The following ATP6V1H variants were observed in gnomAD, a reference collection of about 807,000 sequenced individuals.
ATP6V1H encodes the protein ATPase H+ transporting V1 subunit H.
Under a neutral mutation model 71.7 loss-of-function variants are expected in ATP6V1H, and 39 were observed. That is an observed-to-expected ratio of 0.54 (90% CI 0.42 to 0.71). ATP6V1H has a LOEUF of 0.71. ATP6V1H is among the 30% of genes least tolerant of loss of function. ATP6V1H has a pLI of 0.00. For synonymous variants in ATP6V1H, 192 were observed against 199.3 expected (o/e 0.96, Z 0.31); for missense variants, 509 against 594.9 (o/e 0.86, Z 1.50).
At chr8:53,812,282 A>G (rs1384599978) in intron 6 of ATP6V1H, among the ~76,000 whole-genome samples, 1 of 152,226 alleles carries the variant, frequency 6.6e-6, no homozygotes, top group Non-Finnish European at 1.5e-5. Flanking sequence ...GGCACTGCAC[A>G]ATTTAAAGTC....
chr8:53,837,270 A>C (rs1811188078), intron 2 of ATP6V1H, among the ~76,000 whole-genome samples: 1 of 152,182 alleles, frequency 6.6e-6, no homozygotes, highest in Admixed American at 6.5e-5. Flanking sequence ...CATCTCCACC[A>C]ATTCCTGATA....
At chr8:53,771,965 T>C (rs1239529106) in intron 10 of ATP6V1H, 24 bp downstream of exon 10, 4 of 1,595,814 alleles carry the variant, frequency 2.5e-6, no homozygotes, top group South Asian at 1.1e-5. Flanking sequence ...ATCCAGCACA[T>C]GAGAATTAAA....
At chr8:53,720,905 A>G (rs554988246) in intron 13 of ATP6V1H, among the ~76,000 whole-genome samples, 2 of 152,272 alleles carry the variant, frequency 1.3e-5, no homozygotes, top group East Asian at 3.9e-4. Context: ...CTAAAATCAT[A>G]ATGTTCTTGG....
chr8:53,772,309 A>C, intron 9 of ATP6V1H, 142 bp from the exon 10 acceptor site: 2 of 655,276 alleles, frequency 3.1e-6, no homozygotes, highest in East Asian at 5.6e-5. Context: ...ACTCTATCTC[A>C]AATCCTTACT....
intron 9 of ATP6V1H, among the ~76,000 whole-genome samples, chr8:53,778,370 A>G (rs1173871446): frequency 6.6e-6 from 1 of 152,172 alleles, no homozygotes; most frequent in Non-Finnish European, 1.5e-5. Context: ...AGCTATTCTG[A>G]AATATACAGT....
At chr8:53,723,084 A>G (rs926292580) in intron 13 of ATP6V1H, among the ~76,000 whole-genome samples, 3 of 152,230 alleles carry the variant, frequency 2.0e-5, no homozygotes, top group African/African-American at 4.8e-5. Context: ...ATGTTTCTTC[A>G]ATATGAATTA....
At chr8:53,818,017 AC>A (rs1439843545) in intron 4 of ATP6V1H, among the ~76,000 whole-genome samples, 1 of 152,210 alleles carries the variant, frequency 6.6e-6, no homozygotes, top group Admixed American at 6.5e-5. Flanking sequence ...ATGGTAGAAA[AC>A]TTGGGATAAA....
chr8:53,785,090 G>A (rs1351368285), intron 9 of ATP6V1H, among the ~76,000 whole-genome samples: 11 of 152,180 alleles, frequency 7.2e-5, no homozygotes, highest in Admixed American at 7.2e-4. Flanking sequence ...GGCCTGCCTT[G>A]CTAGATTGGG....
intron 13 of ATP6V1H, among the ~76,000 whole-genome samples, chr8:53,722,862 G>A (rs371909512): frequency 2.6e-5 from 4 of 152,146 alleles, no homozygotes; most frequent in Admixed American, 6.5e-5. Flanking sequence ...TAGAATCTGC[G>A]TATAACATAA....
chr8:53,791,691 G>A (rs1286041841), intron 9 of ATP6V1H, among the ~76,000 whole-genome samples: 3 of 152,022 alleles, frequency 2.0e-5, no homozygotes, highest in East Asian at 1.9e-4. Context: ...TCACATCCCC[G>A]TTCAAAAGGC....
rs139084754 is a variant in ATP6V1H at position 53,777,268 on chromosome 8, C to T, written c.871-5101G>A. Among the ~76,000 whole-genome samples the T allele has an allele frequency of 4.5e-3, 684 of 152,190 alleles. 3 individuals carry two copies. Among genetic ancestry groups the T allele is most frequent in the Non-Finnish European group, 8.2e-3 (555 of 68,004 alleles). On this transcript the variant is annotated intron_variant, in intron 9 of 13. Transcript: ENST00000359530. ...ATACAAATAAAACTAAATCCAGACA[C>T]ATCAAAGTCAATCTTCAGAAAACCA...
intron 9 of ATP6V1H, among the ~76,000 whole-genome samples, chr8:53,775,935 C>T (rs565225839): frequency 2.6e-5 from 4 of 152,224 alleles, no homozygotes; most frequent in Admixed American, 6.5e-5. Context: ...TGGGACTGGG[C>T]GCCGTGGAGC....
chr8:53,785,051 G>A (rs943506929), intron 9 of ATP6V1H, among the ~76,000 whole-genome samples: 42 of 152,042 alleles, frequency 2.8e-4, no homozygotes, highest in South Asian at 1.7e-3. Context: ...TCCTTGTGGC[G>A]TTCTCTGTAT....
intron 13 of ATP6V1H, among the ~76,000 whole-genome samples, chr8:53,723,596 GCTTCATAAC>G (rs1806700862): frequency 6.6e-6 from 1 of 152,168 alleles, no homozygotes; most frequent in Non-Finnish European, 1.5e-5. Flanking sequence ...CTTTATTTTG[GCTTCATAAC>G]AGACTCCAGC....
intron 11 of ATP6V1H, among the ~76,000 whole-genome samples, chr8:53,760,951 G>A (rs12234972): frequency 0.12 from 17,494 of 151,960 alleles, 1,460 homozygotes; most frequent in East Asian, 0.37. Flanking sequence ...AATATTTCAC[G>A]GAGTTTGGTT....
chr8:53,835,385 A>C (rs1301619730), intron 2 of ATP6V1H, among the ~76,000 whole-genome samples: 1 of 152,190 alleles, frequency 6.6e-6, no homozygotes, highest in East Asian at 1.9e-4. Context: ...GAGCCTGGGA[A>C]GGTGAGGCAC....
chr8:53,816,081 GCT>G (rs1298000537), intron 5 of ATP6V1H, among the ~76,000 whole-genome samples: 1 of 152,142 alleles, frequency 6.6e-6, no homozygotes, highest in Non-Finnish European at 1.5e-5. Context: ...TATATTACTG[GCT>G]TTTTGAAAAG....
At chr8:53,780,973 C>T (rs1293130308) in intron 9 of ATP6V1H, among the ~76,000 whole-genome samples, 3 of 152,202 alleles carry the variant, frequency 2.0e-5, no homozygotes, top group Non-Finnish European at 4.4e-5. Flanking sequence ...CAAGTCTTTG[C>T]TATTGTGAAT....
At chr8:53,822,247 A>G (rs1224880689) in intron 4 of ATP6V1H, among the ~76,000 whole-genome samples, 1 of 152,152 alleles carries the variant, frequency 6.6e-6, no homozygotes, top group African/African-American at 2.4e-5. Context: ...GATAAGCTTC[A>G]TCTAATTAAG....
Sources: allele counts gnomAD v4.1 joint callset (sites outside exome capture counted in the v4.1 genomes callset), GRCh38; gene constraint gnomAD v4.1.1; transcripts MANE v1.5; gene names NCBI Gene and HGNC (gene_info 2026-07-23, HGNC 2026-07-21).